The following ELAPOR2 variants were observed in gnomAD, a reference collection of about 807,000 sequenced individuals.
ELAPOR2 encodes the protein endosome/lysosome-associated apoptosis and autophagy regulator family member 2.
Under a neutral mutation model 120.7 loss-of-function variants are expected in ELAPOR2, and 89 were observed. The observed-to-expected ratio is 0.74, with a 90% confidence interval of 0.62 to 0.88. ELAPOR2 has a LOEUF of 0.88. Among genes scored for constraint, ELAPOR2 ranks in the 40% least tolerant of loss-of-function variants. The pLI is 0.00. For synonymous variants in ELAPOR2, 444 were observed against 444.9 expected, an observed-to-expected ratio of 1.00 and a Z score of 0.03; for missense variants, 1,134 against 1,251.6, an observed-to-expected ratio of 0.91 and a Z score of 1.42.
chr7:86,897,588 A>G lies in ELAPOR2; in HGVS notation c.2603T>C (p.Leu868Pro), dbSNP rs1308907268. 2 of 1,613,268 alleles carry G rather than the reference A, an allele frequency of 1.2e-6. No homozygotes were observed. Among genetic ancestry groups the G allele is most frequent in the Admixed American group, 1.7e-5 (1 of 59,928 alleles). ...GTCDGCTFYF[L>P]WESAEACPLC... ...AGGGCAAGCTTCAGCACTCTCCCAC[A>G]GGAAATAGAACGTACACCCATCACA... Residue 868 changes from leucine to proline, a missense_variant, in exon 19 of 22, where the codon CTG (leucine) becomes CCG (proline). Leu to Pro is a moderately conservative substitution (Grantham distance 98). This residue lies in a region of ELAPOR2 where 831 missense variants were observed against 867.6 expected (regional missense o/e 0.96). Transcript: ENST00000450689.
At chr7:86,904,378 G>A (rs1317993399) in intron 18 of ELAPOR2, among the ~76,000 whole-genome samples, 1 of 152,098 alleles carries the variant, frequency 6.6e-6, no homozygotes, top group Non-Finnish European at 1.5e-5. Context: ...AGCCTTTTAG[G>A]CAAAGGCTAG....
intron 1 of ELAPOR2, among the ~76,000 whole-genome samples, chr7:87,001,593 C>T (rs1451915306): frequency 6.6e-6 from 1 of 152,044 alleles, no homozygotes; most frequent in Non-Finnish European, 1.5e-5. Context: ...TCTCTGAGCC[C>T]TAATAAAGCA....
At chr7:86,965,866 T>G (rs1490439020) in intron 1 of ELAPOR2, 41 of 985,380 alleles carry the variant, frequency 4.2e-5, no homozygotes, top group Non-Finnish European at 4.8e-5. Flanking sequence ...CACACTGTTT[T>G]GCCTCCCTCA....
At chr7:86,896,330 T>G (rs754329551) in intron 19 of ELAPOR2, among the ~76,000 whole-genome samples, 1 of 152,090 alleles carries the variant, frequency 6.6e-6, no homozygotes, top group African/African-American at 2.4e-5. Context: ...AATATAATTC[T>G]TAATATAGTT....
At chr7:87,028,764 T>C (rs1794330863) in intron 1 of ELAPOR2, among the ~76,000 whole-genome samples, 1 of 152,082 alleles carries the variant, frequency 6.6e-6, no homozygotes, top group Non-Finnish European at 1.5e-5. Context: ...GGCCTTCATC[T>C]CATTCAGAAT....
intron 1 of ELAPOR2, among the ~76,000 whole-genome samples, chr7:86,991,710 T>G (rs570662468): frequency 6.6e-6 from 1 of 152,354 alleles, no homozygotes; most frequent in African/African-American, 2.4e-5. Context: ...GTCATGAGGC[T>G]CCTTCTGTCT....
chr7:87,022,194 A>G (rs533097396), intron 1 of ELAPOR2, among the ~76,000 whole-genome samples: 1 of 151,644 alleles, frequency 6.6e-6, no homozygotes, highest in South Asian at 2.1e-4. Context: ...TCGTCATTTA[A>G]CATTAGTTAT....
intron 1 of ELAPOR2, among the ~76,000 whole-genome samples, chr7:86,973,005 C>A (rs572146931): frequency 6.6e-6 from 1 of 152,208 alleles, no homozygotes; most frequent in East Asian, 1.9e-4. Flanking sequence ...ACAGTATGGT[C>A]CCACATAGTA....
At chr7:86,982,219 C>T (rs1045651141) in intron 1 of ELAPOR2, among the ~76,000 whole-genome samples, 1 of 152,268 alleles carries the variant, frequency 6.6e-6, no homozygotes, top group Non-Finnish European at 1.5e-5. Flanking sequence ...GTACATTCCA[C>T]TTCTGGGGGC....
intron 1 of ELAPOR2, among the ~76,000 whole-genome samples, chr7:87,020,746 TGTTAAATGAA>T (rs1347133151): frequency 1.3e-5 from 2 of 152,116 alleles, no homozygotes; most frequent in African/African-American, 2.4e-5. Flanking sequence ...ATTAATTTTA[TGTTAAATGAA>T]TTTAGCCTTA....
At chr7:86,990,888 G>C (rs539602153) in intron 1 of ELAPOR2, among the ~76,000 whole-genome samples, 4 of 152,158 alleles carry the variant, frequency 2.6e-5, no homozygotes, top group African/African-American at 9.7e-5. Flanking sequence ...TAATCTCCTT[G>C]GGATATATGC....
intron 13 of ELAPOR2, 36 bp downstream of exon 13, chr7:86,914,687 T>C: frequency 6.4e-7 from 1 of 1,570,716 alleles, no homozygotes. Flanking sequence ...ATCATTAGTG[T>C]GTTTAAAATT....
intron 1 of ELAPOR2, among the ~76,000 whole-genome samples, chr7:86,997,125 C>A (rs1239438196): frequency 6.6e-6 from 1 of 152,100 alleles, no homozygotes; most frequent in Non-Finnish European, 1.5e-5. Flanking sequence ...GGAAAAAAAG[C>A]TTAAATTTTT....
intron 1 of ELAPOR2, among the ~76,000 whole-genome samples, chr7:87,030,385 G>A (rs148624103): frequency 3.3e-5 from 5 of 151,066 alleles, no homozygotes; most frequent in African/African-American, 1.2e-4. Flanking sequence ...TGCTTATCTT[G>A]TTCTAAATGC....
chr7:86,958,194 G>A lies in ELAPOR2; in HGVS notation c.310+6710C>T, dbSNP rs528926426. On this transcript the variant is annotated intron_variant, in intron 2 of 21. Transcript: ENST00000450689. ...GGTTTCAAATCTCAGTTCCCCCTTTGACCTGAATTTGTGACTCTGAGCTAT... is the reference window on the plus strand; with the variant it reads ...GGTTTCAAATCTCAGTTCCCCCTTTAACCTGAATTTGTGACTCTGAGCTAT... Among the ~76,000 whole-genome samples, 4 of 152,072 alleles carry A rather than the reference G, an allele frequency of 2.6e-5. No individual in the cohort carries two copies. In the East Asian group the frequency reaches 7.7e-4, roughly 29 times the overall value.
At chr7:87,059,043 T>C (rs1027228825) in intron 1 of ELAPOR2, among the ~76,000 whole-genome samples, 3 of 151,350 alleles carry the variant, frequency 2.0e-5, no homozygotes, top group Non-Finnish European at 4.4e-5. Flanking sequence ...CCCCAGGTCC[T>C]CAAACCTGGC....
chr7:86,936,142 A>T (rs148007228), intron 8 of ELAPOR2, among the ~76,000 whole-genome samples: 1 of 152,130 alleles, frequency 6.6e-6, no homozygotes, highest in Non-Finnish European at 1.5e-5. Context: ...TCATTGAACA[A>T]CCCGAGAAAC....
intron 1 of ELAPOR2, among the ~76,000 whole-genome samples, chr7:87,040,248 T>C (rs372882271): frequency 6.6e-6 from 1 of 152,158 alleles, no homozygotes; most frequent in East Asian, 1.9e-4. Flanking sequence ...GCCGGAAAGC[T>C]CGAACTGGGT....
chr7:86,942,803 C>G (rs763515278), intron 4 of ELAPOR2, among the ~76,000 whole-genome samples: 1 of 152,020 alleles, frequency 6.6e-6, no homozygotes, highest in African/African-American at 2.4e-5. Context: ...AGTTAGGCCA[C>G]CTTTCCAATA....
Sources: gnomAD v4.1 joint callset for allele counts (sites outside exome capture counted in the v4.1 genomes callset) on GRCh38, gnomAD v4.1.1 for gene constraint, gnomAD v4.1.1 regional missense constraint, MANE v1.5 for transcripts, NCBI Gene and HGNC (gene_info 2026-07-23, HGNC 2026-07-21) for gene names.